The following AP2A2 variants were observed in gnomAD, a reference collection of about 807,000 sequenced individuals.
The protein encoded by AP2A2 is adaptor related protein complex 2 subunit alpha 2.
Under a neutral mutation model 104.2 loss-of-function variants are expected in AP2A2, and 32 were observed. The ratio of observed to expected loss-of-function variants is 0.31; its 90% CI spans 0.23 to 0.41. The LOEUF is 0.41. Ranked by LOEUF, AP2A2 falls within the 10% of genes least tolerant of loss-of-function variation. AP2A2 has a pLI of 1.00. For synonymous variants in AP2A2, 539 were observed against 533.3 expected (o/e 1.01, Z -0.15); for missense variants, 912 against 1,261.0 (o/e 0.72, Z 4.19).
intron 14 of AP2A2, 106 bp from the exon 15 acceptor site, chr11:1,000,326 T>A: frequency 8.6e-7 from 1 of 1,166,070 alleles, no homozygotes; most frequent in Admixed American, 2.1e-5. Context: ...TGGGAGTGCA[T>A]GGATGCCAAG....
At chr11:1,008,401 C>T (rs1856283473) in intron 18 of AP2A2, 1 of 445,112 alleles carries the variant, frequency 2.2e-6, no homozygotes, top group East Asian at 4.1e-5. Context: ...CCATGGGGCC[C>T]ACCTCATGGG....
At chr11:980,557 A>G (rs1855201859) in intron 5 of AP2A2, among the ~76,000 whole-genome samples, 1 of 150,446 alleles carries the variant, frequency 6.6e-6, no homozygotes, top group South Asian at 2.1e-4. Context: ...TGGAGCGGTG[A>G]CAGGCTGCCC....
chr11:989,157 G>A (rs984811005), intron 10 of AP2A2, among the ~76,000 whole-genome samples: 2 of 152,080 alleles, frequency 1.3e-5, no homozygotes, highest in African/African-American at 4.8e-5. Context: ...CCCTGACCCC[G>A]TCTCTACTGA....
In AP2A2 at chr11:992,221, T is replaced by C. The variant is rs772436393; in HGVS notation, c.1270-282T>C. The stretch of plus-strand genomic sequence containing the variant: ...GTGCTGCCGCCAGGTGCTGGGGCTT[T>C]GGGAGAGAAGGGCCCAGGTGGGAGG... On this transcript the variant is annotated intron_variant, in intron 10 of 21. Transcript: ENST00000448903. The surrounding 1 kb of genome is among the most constrained non-coding windows in gnomAD (Gnocchi z 6.4). 2.6e-5 allele frequency among the ~76,000 whole-genome samples: 4 copies of C among 152,046 alleles called. No individual in the cohort carries two copies. Among genetic ancestry groups the C allele is most frequent in the South Asian group, 4.2e-4 (2 of 4,816 alleles).
chr11:962,799 C>T (rs1454091343), intron 2 of AP2A2, among the ~76,000 whole-genome samples: 1 of 152,078 alleles, frequency 6.6e-6, no homozygotes, highest in Non-Finnish European at 1.5e-5. Context: ...GACTTCATGC[C>T]TGTCTGGCTG....
At chr11:997,276 C>T (rs1274227432) in intron 14 of AP2A2, among the ~76,000 whole-genome samples, 1 of 152,202 alleles carries the variant, frequency 6.6e-6, no homozygotes, top group Non-Finnish European at 1.5e-5. Flanking sequence ...GTGCGTGTCC[C>T]CGGGTGTGCT....
chr11:999,646 T>A (rs1855963961), intron 14 of AP2A2, among the ~76,000 whole-genome samples: 1 of 152,204 alleles, frequency 6.6e-6, no homozygotes, highest in African/African-American at 2.4e-5. Context: ...AATTATTTTT[T>A]AAAAGTATCC....
intron 14 of AP2A2, among the ~76,000 whole-genome samples, chr11:999,737 T>C (rs935793054): frequency 6.6e-6 from 1 of 152,228 alleles, no homozygotes. Flanking sequence ...TTATTTGCTT[T>C]TTCATCTTTG....
intron 4 of AP2A2, among the ~76,000 whole-genome samples, chr11:975,171 C>T (rs146569241): frequency 2.0e-5 from 3 of 152,258 alleles, no homozygotes; most frequent in Admixed American, 6.5e-5. Flanking sequence ...CTGGGATGGA[C>T]GGAGTTGGTG....
intron 5 of AP2A2, among the ~76,000 whole-genome samples, chr11:977,855 GGA>G (rs1479864518): frequency 6.6e-6 from 1 of 152,112 alleles, no homozygotes; most frequent in African/African-American, 2.4e-5. Context: ...CCTGCTGCGT[GGA>G]GAGGCATGTG....
chr11:947,385 G>T (rs991027997), intron 1 of AP2A2, among the ~76,000 whole-genome samples: 3 of 152,150 alleles, frequency 2.0e-5, no homozygotes, highest in African/African-American at 7.2e-5. Context: ...ACATATAAAG[G>T]TGTGATTTGA....
intron 1 of AP2A2, chr11:946,347 G>A: frequency 6.6e-6 from 1 of 152,258 alleles, no homozygotes; most frequent in Non-Finnish European, 1.5e-5. Flanking sequence ...CGGCTGCAGA[G>A]CATGTCACTC....
At chr11:947,157 C>T (rs901940665) in intron 1 of AP2A2, among the ~76,000 whole-genome samples, 4 of 151,994 alleles carry the variant, frequency 2.6e-5, no homozygotes, top group African/African-American at 9.7e-5. Context: ...ATTACAGACT[C>T]CCGCCACCAG....
chr11:985,502 C>G lies in AP2A2; in HGVS notation c.882C>G (p.Pro294=). Residue 294 remains proline (P), a synonymous_variant, in exon 8 of 22, where the codon CCC becomes CCG. Coordinates refer to ENST00000448903, the MANE Select transcript of AP2A2 (RefSeq NM_012305.4). ...ETILNKAQEP[P]KSKKVQHSNA... is the part of the protein sequence containing the mutation. ...TCCTGAACAAAGCCCAAGAACCGCC[C>G]AAGTCGAAGAAGGTCCAGCACTCCA... is the stretch of plus-strand genomic sequence containing the variant. 1 of 1,613,976 alleles carries G rather than the reference C, an allele frequency of 6.2e-7. No homozygotes were observed. The highest frequency in any genetic ancestry group is 8.5e-7 in the Non-Finnish European group (1 of 1,179,898).
At position 1,008,003 on chromosome 11, in the gene AP2A2, C is replaced by T. The variant is rs773034134; in HGVS notation, c.2297-9C>T. On this transcript the variant is annotated splice_polypyrimidine_tract_variant and intron_variant, in intron 17 of 21. Transcript: ENST00000448903. The stretch of plus-strand genomic sequence containing the variant: ...GGACTTGCTCAGCTGGATTCCTTAA[C>T]GCACGCACACCTGAACCTGCAGACC... The T allele has an allele frequency of 1.8e-5, 28 of 1,554,144 alleles. No homozygotes were observed. Among genetic ancestry groups the T allele is most frequent in the African/African-American group, 6.8e-5 (5 of 73,168 alleles).
chr11:977,880 G>A (rs886877688), intron 5 of AP2A2, among the ~76,000 whole-genome samples: 1 of 152,106 alleles, frequency 6.6e-6, no homozygotes, highest in Non-Finnish European at 1.5e-5. Flanking sequence ...CCGGTCACGC[G>A]TTCACAAGGA....
intron 1 of AP2A2, among the ~76,000 whole-genome samples, chr11:927,504 C>T (rs1487142841): frequency 4.2e-5 from 6 of 141,274 alleles, no homozygotes; most frequent in South Asian, 2.3e-4. Context: ...CCTTCCTGTA[C>T]TCTGTTAAAA....
chr11:1,010,834 C>A lies in AP2A2; in HGVS notation c.*209C>A. ...AAAAGCTCAGCCTGGACTGTGGCAG[C>A]CACGGCAGAAGGTGGATCTTGGGAT... On this transcript the variant is annotated 3_prime_UTR_variant, in exon 22 of 22. Transcript: ENST00000448903. 1.5e-6 allele frequency: 1 copy of A among 645,858 alleles called. No individual in the cohort carries two copies. The highest frequency in any genetic ancestry group is 2.3e-5 in the Admixed American group (1 of 43,286). The allele number at this position is 645,858 out of a possible 1,614,324, so 40.0% of individuals were successfully genotyped here.
chr11:1,010,619 G>C lies in AP2A2; in HGVS notation c.2814G>C (p.Gln938His), dbSNP rs955329177. ...SQRLCELLSA[Q>H]F is the part of the protein sequence containing the mutation. ...GATTATGTGAATTGCTCTCAGCGCA[G>C]TTTTAGTCCTGAGGATGGAAGACCA... The change falls in exon 22 of 22, where the codon CAG (glutamine) becomes CAC (histidine). Residue 938 changes from glutamine to histidine, a missense_variant. Gln to His is a conservative substitution (Grantham distance 24). Transcript: ENST00000448903. 6 of 1,593,210 alleles carry C rather than the reference G, an allele frequency of 3.8e-6. No individual in the cohort carries two copies. The highest frequency in any genetic ancestry group is 5.1e-6 in the Non-Finnish European group (6 of 1,169,700).
Sources: gnomAD v4.1 joint callset for allele counts (sites outside exome capture counted in the v4.1 genomes callset) on GRCh38, gnomAD v4.1.1 for gene constraint, Gnocchi (gnomAD v3.1) non-coding constraint, MANE v1.5 for transcripts, NCBI Gene and HGNC (gene_info 2026-07-23, HGNC 2026-07-21) for gene names.